Variants in HIVEP1 observed in about 807,000 individuals in gnomAD.
HIVEP1 encodes the protein HIVEP zinc finger 1.
Under a neutral mutation model 180.0 loss-of-function variants are expected in HIVEP1, and 36 were observed. The ratio of observed to expected loss-of-function variants is 0.20; its 90% confidence interval spans 0.15 to 0.26. HIVEP1 has a LOEUF of 0.26. Ranked by LOEUF, HIVEP1 falls within the 10% of genes least tolerant of loss-of-function variation. The pLI is 1.00. For synonymous variants in HIVEP1, 1,239 were observed against 1,239.0 expected, an observed-to-expected ratio of 1.00 and a Z score of 0.00; for missense variants, 3,143 against 3,268.7, an observed-to-expected ratio of 0.96 and a Z score of 0.94.
rs1415264085 is a variant in HIVEP1 at position 12,094,602 on chromosome 6, C to T, written c.94+5365C>T. Among the ~76,000 whole-genome samples, 3 of 151,758 alleles carry T rather than the reference C, an allele frequency of 2.0e-5. No homozygotes were observed. The East Asian group carries it at 5.8e-4, about 29-fold the overall frequency. On this transcript the variant is annotated intron_variant, in intron 3 of 8. Transcript: ENST00000379388. ...GATCTTACTATGTCCTTTATTCTTT[C>T]ATTCTGATGTTTAAAAGTGACTTAC...
At chr6:12,169,206 A>G (rs577687945), downstream of HIVEP1, among the ~76,000 whole-genome samples, 11 of 152,048 alleles carry the variant, frequency 7.2e-5, no homozygotes, top group African/African-American at 2.4e-4. Flanking sequence ...TTTATTTAGG[A>G]TATTTTCAAT....
chr6:12,160,116 T>A (rs1186328844), intron 7 of HIVEP1, among the ~76,000 whole-genome samples: 1 of 152,226 alleles, frequency 6.6e-6, no homozygotes, highest in Non-Finnish European at 1.5e-5. Flanking sequence ...ATCTTTATTA[T>A]ATCTCAGTGA....
chr6:12,013,599 CT>C (rs1437252219), intron 1 of HIVEP1, among the ~76,000 whole-genome samples: 2 of 152,168 alleles, frequency 1.3e-5, no homozygotes, highest in African/African-American at 4.8e-5. Context: ...AGAGTTCACG[CT>C]TTAAAAACTT....
intron 6 of HIVEP1, among the ~76,000 whole-genome samples, chr6:12,132,981 C>T (rs1758508157): frequency 6.6e-6 from 1 of 152,076 alleles, no homozygotes; most frequent in Non-Finnish European, 1.5e-5. Flanking sequence ...TTTTCACCTT[C>T]TCTGATTTAC....
upstream of HIVEP1, among the ~76,000 whole-genome samples, chr6:12,009,455 C>T (rs185453656): frequency 5.0e-3 from 762 of 152,338 alleles, 5 homozygotes; most frequent in Non-Finnish European, 5.6e-3. Flanking sequence ...GAGAAATGGA[C>T]CTCCAGGAGC....
intron 2 of HIVEP1, among the ~76,000 whole-genome samples, chr6:12,060,215 A>C (rs1163844165): frequency 6.6e-6 from 1 of 152,228 alleles, no homozygotes; most frequent in African/African-American, 2.4e-5. Flanking sequence ...TGACATCTAT[A>C]TATTAAACAG....
Position 12,121,693 on chromosome 6 carries a change from G to T in HIVEP1, c.1898G>T (p.Gly633Val). Residue 633 changes from glycine (G) to valine (V), a missense_variant, in exon 4 of 9, where the codon GGA becomes GTA. Gly to Val is a moderately radical substitution (Grantham distance 109). Coordinates refer to ENST00000379388, the MANE Select transcript of HIVEP1 (RefSeq NM_002114.4). This position sits in a 1 kb window ranked among gnomAD's most constrained non-coding sequence, Gnocchi z 5.3. ...AAAGGCGACATGAATCCACTGGAAG[G>T]AAAGCAAGACTCTCACGTAGGAACG... is the stretch of plus-strand genomic sequence containing the variant. ...HQKGDMNPLE[G>V]KQDSHVGTVH... 2 of 1,614,178 alleles carry T rather than the reference G, an allele frequency of 1.2e-6. No individual in the cohort carries two copies. Among genetic ancestry groups the T allele is most frequent in the Non-Finnish European group, 8.5e-7 (1 of 1,180,042 alleles).
At chr6:12,110,954 G>C (rs1322684799) in intron 3 of HIVEP1, among the ~76,000 whole-genome samples, 1 of 152,134 alleles carries the variant, frequency 6.6e-6, no homozygotes, top group Non-Finnish European at 1.5e-5. Flanking sequence ...TTATTAACTG[G>C]CATAATTTTA....
upstream of HIVEP1, among the ~76,000 whole-genome samples, chr6:12,011,270 T>TCCCCCC (rs76242358): frequency 3.9e-3 from 282 of 71,652 alleles, no homozygotes; most frequent in Non-Finnish European, 4.9e-3. Flanking sequence ...CCCCTTGGGG[T>TCCCCCC]CCCCCCCCCC....
At chr6:12,053,054 A>G (rs1770638448) in intron 2 of HIVEP1, among the ~76,000 whole-genome samples, 1 of 152,166 alleles carries the variant, frequency 6.6e-6, no homozygotes, top group Non-Finnish European at 1.5e-5. Context: ...TTGCCTTTAC[A>G]CTTCACAGCT....
At position 12,119,882 on chromosome 6, in the gene HIVEP1, T is replaced by G. The variant is rs775923502; in HGVS notation, c.95-8T>G. 57 of 1,531,896 alleles carry G rather than the reference T, an allele frequency of 3.7e-5. No individual in the cohort carries two copies. Among genetic ancestry groups the G allele is most frequent in the Middle Eastern group, 1.8e-4 (1 of 5,712 alleles). 94.9% of individuals were successfully genotyped at this position (1,531,896 alleles called of 1,614,324 possible). A position where few individuals can be genotyped will look rare whatever the true frequency, so the allele number is the denominator to read the frequency against. On this transcript the variant is annotated splice_region_variant and splice_polypyrimidine_tract_variant and intron_variant, in intron 3 of 8. Transcript: ENST00000379388. Reference sequence around the variant, plus strand: ...CCAATTGTTTGTTGTTGTTGTTGTTTTTTCCAGAAATCTTACAGGCTGGTG... The same window carrying G: ...CCAATTGTTTGTTGTTGTTGTTGTTGTTTCCAGAAATCTTACAGGCTGGTG...
the HIVEP1 span, among the ~76,000 whole-genome samples, chr6:12,196,151 A>G: frequency 6.6e-6 from 1 of 152,230 alleles, no homozygotes; most frequent in Non-Finnish European, 1.5e-5. Context: ...GTATTGAAAT[A>G]TGTGACCAGT....
rs765913817 is a variant in HIVEP1, at chr6:12,122,985, C to G, written c.3190C>G (p.Leu1064Val). 20 of 1,613,976 alleles carry G rather than the reference C, an allele frequency of 1.2e-5. No homozygotes were observed. Among genetic ancestry groups the G allele is most frequent in the Admixed American group, 5.0e-5 (3 of 59,994 alleles). ...TGAAGGCCTTCAGTTTCAGAATGCTCTGGGCTGTAATCCCAGTTTGCCTAA... is the reference window on the plus strand; with the variant it reads ...TGAAGGCCTTCAGTTTCAGAATGCTGTGGGCTGTAATCCCAGTTTGCCTAA... ...SSEGLQFQNA[L>V]GCNPSLPKHN... Residue 1064 changes from leucine (L) to valine (V), a missense_variant, in exon 4 of 9, where the codon CTG becomes GTG. Transcript: ENST00000379388.
chr6:12,206,559 G>A, the HIVEP1 span, among the ~76,000 whole-genome samples: 2 of 152,158 alleles, frequency 1.3e-5, no homozygotes, highest in African/African-American at 2.4e-5. Flanking sequence ...CTTGGAAAGA[G>A]GCCTGGAATA....
rs183964950 is a variant in HIVEP1 at position 12,101,998 on chromosome 6, G to A, written c.94+12761G>A. ...TTCAAAATAAAAAATGTTACTAGAGGTAAAGAGGGACATTTTCTAATGATG... is the reference window on the plus strand; with the variant it reads ...TTCAAAATAAAAAATGTTACTAGAGATAAAGAGGGACATTTTCTAATGATG... On this transcript the variant is annotated intron_variant, in intron 3 of 8. Transcript: ENST00000379388. Among the ~76,000 whole-genome samples, 123 of 152,178 alleles carry A rather than the reference G, an allele frequency of 8.1e-4. 1 individual carries two copies. The highest frequency in any genetic ancestry group is 2.4e-3 in the Admixed American group (37 of 15,282).
intron 2 of HIVEP1, among the ~76,000 whole-genome samples, chr6:12,042,225 G>A (rs534008204): frequency 1.7e-4 from 26 of 150,162 alleles, no homozygotes; most frequent in African/African-American, 5.5e-4. Flanking sequence ...GACTACAGGC[G>A]CCCGCCACCG....
chr6:12,125,654 G>A lies in HIVEP1; in HGVS notation c.5859G>A (p.Leu1953=), dbSNP rs377232771. 3.7e-6 allele frequency: 6 copies of A among 1,614,052 alleles called. No homozygotes were observed. Among genetic ancestry groups the A allele is most frequent in the Non-Finnish European group, 3.4e-6 (4 of 1,180,008 alleles). ...GTTATCTCTTAAGGCAGAAGTCGTTGCATTTGCCTCAGAAGGACCAGAAAA... is the reference window on the plus strand; with the variant it reads ...GTTATCTCTTAAGGCAGAAGTCGTTACATTTGCCTCAGAAGGACCAGAAAA... The part of the protein sequence containing the change: ...TWCYLLRQKS[L]HLPQKDQKTS... The change falls in exon 4 of 9, where the codon TTG becomes TTA. Residue 1953 remains leucine (L), a synonymous_variant. Transcript: ENST00000379388.
At chr6:12,173,680 G>A in the HIVEP1 span, among the ~76,000 whole-genome samples, 37 of 152,202 alleles carry the variant, frequency 2.4e-4, no homozygotes, top group South Asian at 8.3e-4. Context: ...GATATTTCAC[G>A]AAGACCAATA....
rs747009636 is a variant in HIVEP1, at chr6:12,125,215, C to A, written c.5420C>A (p.Pro1807His). 6.2e-7 allele frequency: 1 copy of A among 1,614,058 alleles called. No individual in the cohort carries two copies. The highest frequency in any genetic ancestry group is 8.5e-7 in the Non-Finnish European group (1 of 1,180,014). Residue 1807 changes from proline (P) to histidine (H), a missense_variant, in exon 4 of 9, where the codon CCC (proline) becomes CAC (histidine). Pro to His is a moderately conservative substitution (Grantham distance 77). Coordinates refer to ENST00000379388, the MANE Select transcript of HIVEP1 (RefSeq NM_002114.4). ...ILVRQVCTTE[P>H]LDGVMLEKDV... is the part of the protein sequence containing the mutation. ...GTGAGACAGGTTTGTACTACAGAGC[C>A]CCTGGACGGTGTGATGTTGGAAAAG...
Sources: gnomAD v4.1 joint callset for allele counts (sites outside exome capture counted in the v4.1 genomes callset) on GRCh38, gnomAD v4.1.1 for gene constraint, Gnocchi (gnomAD v3.1) non-coding constraint, MANE v1.5 for transcripts, NCBI Gene and HGNC (gene_info 2026-07-23, HGNC 2026-07-21) for gene names.